The following AKAIN1 variants were observed in gnomAD, a reference collection of about 807,000 sequenced individuals.
The protein encoded by AKAIN1 is A-kinase anchor inhibitor 1.
A neutral mutation model predicts 3.7 loss-of-function variants in AKAIN1; 3 were observed. The observed-to-expected ratio is 0.82, with a 90% CI of 0.37 to 2.12. AKAIN1 has a LOEUF of 2.12. Among genes scored for constraint, AKAIN1 ranks in the 30% most tolerant of loss-of-function variants. AKAIN1 has a pLI of 0.06. For synonymous variants in AKAIN1, 31 were observed against 30.8 expected (o/e 1.01, Z -0.02); for missense variants, 82 against 82.7 (o/e 0.99, Z 0.03).
intron 1 of AKAIN1, among the ~76,000 whole-genome samples, chr18:5,173,849 T>G (rs2071210956): frequency 6.6e-6 from 1 of 152,072 alleles, no homozygotes; most frequent in African/African-American, 2.4e-5. Flanking sequence ...CTCGGCCATC[T>G]GCTGTGCGCC....
chr18:5,169,236 G>A (rs923497403), intron 1 of AKAIN1, among the ~76,000 whole-genome samples: 6 of 152,142 alleles, frequency 3.9e-5, no homozygotes, highest in African/African-American at 1.2e-4. Context: ...GACCACCCAC[G>A]TTATGGAGAG....
intron 1 of AKAIN1, among the ~76,000 whole-genome samples, chr18:5,187,708 T>C (rs1385079516): frequency 6.6e-6 from 1 of 152,168 alleles, no homozygotes; most frequent in Non-Finnish European, 1.5e-5. Flanking sequence ...ACATGAGTTT[T>C]GGAGGGACAT....
intron 1 of AKAIN1, among the ~76,000 whole-genome samples, chr18:5,192,447 T>TTCTTTCTTTC (rs1191973527): frequency 1.5e-5 from 2 of 136,468 alleles, no homozygotes; most frequent in African/African-American, 5.5e-5. Context: ...CTTTCTTTCT[T>TTCTTTCTTTC]TTTCTTTTCT....
intron 1 of AKAIN1, among the ~76,000 whole-genome samples, chr18:5,190,036 T>A (rs56291712): frequency 0.45 from 68,445 of 151,998 alleles, 15,949 homozygotes; most frequent in Middle Eastern, 0.54. Flanking sequence ...TGCCAGGAAG[T>A]CCAAGAGTAT....
chr18:5,147,343 T>C (rs1247078291), intron 1 of AKAIN1, among the ~76,000 whole-genome samples: 1 of 152,218 alleles, frequency 6.6e-6, no homozygotes, highest in African/African-American at 2.4e-5. Context: ...ATTTTTTTAA[T>C]TGTGCAGTAG....
Position 5,144,005 on chromosome 18 carries a change from G to A in AKAIN1, c.*1557C>T, listed in dbSNP as rs979038305. Among the ~76,000 whole-genome samples, 1 of 152,012 alleles carries A rather than the reference G, an allele frequency of 6.6e-6. No homozygotes were observed. Among genetic ancestry groups the A allele is most frequent in the African/African-American group, 2.4e-5 (1 of 41,368 alleles). On this transcript the variant is annotated 3_prime_UTR_variant, in exon 2 of 2. Transcript: ENST00000434239. ...TATCACATCAGTTATATGACTTTTG[G>A]TCGACTTAAACTCACTCTTCACTTG...
intron 1 of AKAIN1, among the ~76,000 whole-genome samples, chr18:5,189,182 A>AT (rs1169055488): frequency 6.6e-6 from 1 of 152,120 alleles, no homozygotes; most frequent in Non-Finnish European, 1.5e-5. Context: ...CCTCATCCCC[A>AT]TCCCCCAAAA....
intron 1 of AKAIN1, among the ~76,000 whole-genome samples, chr18:5,182,161 G>A (rs963971391): frequency 6.6e-6 from 1 of 152,068 alleles, no homozygotes; most frequent in African/African-American, 2.4e-5. Context: ...TTTATCATCA[G>A]CCTAGCTTAT....
At position 5,145,535 on chromosome 18, in the gene AKAIN1, C is replaced by A. The variant is rs1353396020; in HGVS notation, c.*27G>T. On this transcript the variant is annotated 3_prime_UTR_variant, in exon 2 of 2. Transcript: ENST00000434239. ...ACTAAGAGGAAGGCTAGAAACCAAGCACATGTCAAGAGCCAAATCCACCAT... is the reference window on the plus strand; with the variant it reads ...ACTAAGAGGAAGGCTAGAAACCAAGAACATGTCAAGAGCCAAATCCACCAT... 16 of 1,541,806 alleles carry A rather than the reference C, an allele frequency of 1.0e-5. No individual in the cohort carries two copies. Among genetic ancestry groups the A allele is most frequent in the Non-Finnish European group, 9.6e-6 (11 of 1,140,458 alleles).
intron 1 of AKAIN1, among the ~76,000 whole-genome samples, chr18:5,157,120 C>A (rs1332353029): frequency 6.6e-6 from 1 of 152,064 alleles, no homozygotes; most frequent in Non-Finnish European, 1.5e-5. Flanking sequence ...GATGAAGTAT[C>A]AATTTTATTT....
intron 1 of AKAIN1, among the ~76,000 whole-genome samples, chr18:5,186,863 A>G (rs902873083): frequency 6.6e-6 from 1 of 152,188 alleles, no homozygotes; most frequent in Non-Finnish European, 1.5e-5. Context: ...AATAGAATGA[A>G]ACTAGAAATC....
At chr18:5,157,281 G>A (rs2071113686) in intron 1 of AKAIN1, among the ~76,000 whole-genome samples, 1 of 152,200 alleles carries the variant, frequency 6.6e-6, no homozygotes, top group South Asian at 2.1e-4. Context: ...CAAGGAGCTG[G>A]TGTCCAGACA....
At chr18:5,147,544 T>G (rs547363559) in intron 1 of AKAIN1, among the ~76,000 whole-genome samples, 1 of 152,332 alleles carries the variant, frequency 6.6e-6, no homozygotes, top group Admixed American at 6.5e-5. Context: ...AAGATGTATT[T>G]AAGATTGGAG....
At chr18:5,168,801 A>G (rs945088470) in intron 1 of AKAIN1, among the ~76,000 whole-genome samples, 1 of 151,802 alleles carries the variant, frequency 6.6e-6, no homozygotes, top group Non-Finnish European at 1.5e-5. Flanking sequence ...TAATAATAAA[A>G]AGGGGCATTT....
chr18:5,174,940 A>G (rs2143356021), intron 1 of AKAIN1, among the ~76,000 whole-genome samples: 1 of 152,170 alleles, frequency 6.6e-6, no homozygotes, highest in South Asian at 2.1e-4. Context: ...GCACAGTAAG[A>G]GGTTTAGCAG....
At chr18:5,146,509 C>T (rs902474984) in intron 1 of AKAIN1, among the ~76,000 whole-genome samples, 9 of 152,180 alleles carry the variant, frequency 5.9e-5, no homozygotes, top group Non-Finnish European at 8.8e-5. Context: ...TATATAACCT[C>T]GCTGGGGCTG....
intron 1 of AKAIN1, among the ~76,000 whole-genome samples, chr18:5,165,598 T>TA (rs1198284497): frequency 6.6e-6 from 1 of 152,002 alleles, no homozygotes; most frequent in African/African-American, 2.4e-5. Context: ...AATCAGATGA[T>TA]AGAGAGCTTG....
intron 1 of AKAIN1, among the ~76,000 whole-genome samples, chr18:5,180,007 A>T (rs888599992): frequency 1.3e-5 from 2 of 152,076 alleles, no homozygotes; most frequent in African/African-American, 4.8e-5. Context: ...TCAGTTGAAA[A>T]GGGTTTCTTT....
intron 1 of AKAIN1, among the ~76,000 whole-genome samples, chr18:5,147,899 C>T (rs1447034906): frequency 2.0e-5 from 3 of 152,188 alleles, no homozygotes; most frequent in Non-Finnish European, 2.9e-5. Context: ...TGAAGAGTCA[C>T]GAAGGCATAG....
Sources: gnomAD v4.1 joint callset for allele counts (sites outside exome capture counted in the v4.1 genomes callset) on GRCh38, gnomAD v4.1.1 for gene constraint, MANE v1.5 for transcripts, NCBI Gene and HGNC (gene_info 2026-07-23, HGNC 2026-07-21) for gene names.